Variants in ADAMTS17 observed in about 807,000 individuals in gnomAD.
The protein encoded by ADAMTS17 is ADAM metallopeptidase with thrombospondin type 1 motif 17, also known as A disintegrin and metalloproteinase with thrombospondin motifs 17.
Under a neutral mutation model 141.5 loss-of-function variants are expected in ADAMTS17, and 113 were observed. The ratio of observed to expected loss-of-function variants is 0.80; its 90% CI spans 0.69 to 0.93. The LOEUF is 0.93. Ranked by LOEUF, ADAMTS17 falls within the 40% of genes least tolerant of loss-of-function variation. The probability of loss-of-function intolerance (pLI) is 0.00; values close to 1 mark genes in which losing one functional copy is unlikely to be tolerated. For synonymous variants in ADAMTS17, 768 were observed against 630.6 expected, an observed-to-expected ratio of 1.22 and a Z score of -3.27; for missense variants, 1,659 against 1,517.9, an observed-to-expected ratio of 1.09 and a Z score of -1.54.
Position 100,159,197 on chromosome 15 carries a change from T to G in ADAMTS17, c.1182-3877A>C, listed in dbSNP as rs901926768. Reference sequence around the variant, plus strand: ...CGTTCAGTTACAGCATTATTCACAATAGCCAAGATATGAACCCAACCTAAA... The same window carrying G: ...CGTTCAGTTACAGCATTATTCACAAGAGCCAAGATATGAACCCAACCTAAA... On this transcript the variant is annotated intron_variant, in intron 8 of 21. Transcript: ENST00000268070. Among the ~76,000 whole-genome samples, 14 of 152,320 alleles carry G rather than the reference T, an allele frequency of 9.2e-5. 1 individual carries two copies. The highest frequency in any genetic ancestry group is 6.5e-4 in the Admixed American group (10 of 15,302).
intron 7 of ADAMTS17, among the ~76,000 whole-genome samples, chr15:100,211,471 G>T (rs933549123): frequency 2.6e-5 from 4 of 152,132 alleles, no homozygotes; most frequent in African/African-American, 7.2e-5. Context: ...GCCAGACACA[G>T]AAACAAACTC....
At chr15:100,031,833 A>C (rs1011950690) in intron 18 of ADAMTS17, among the ~76,000 whole-genome samples, 2 of 152,214 alleles carry the variant, frequency 1.3e-5, no homozygotes, top group Non-Finnish European at 2.9e-5. Flanking sequence ...CCATATTTGT[A>C]GAGTACTCAC....
intron 10 of ADAMTS17, among the ~76,000 whole-genome samples, chr15:100,151,458 G>A (rs888260360): frequency 7.9e-5 from 12 of 152,182 alleles, no homozygotes; most frequent in African/African-American, 2.9e-4. Flanking sequence ...CATTGGGACC[G>A]CATTCTGGAG....
chr15:100,262,782 TAA>T (rs201067774), intron 4 of ADAMTS17, among the ~76,000 whole-genome samples: 7 of 111,214 alleles, frequency 6.3e-5, no homozygotes, highest in Non-Finnish European at 7.4e-5. Flanking sequence ...CTTCCAGTAC[TAA>T]AAAAAAAAAA....
chr15:100,110,125 G>A (rs2036661898), intron 13 of ADAMTS17, among the ~76,000 whole-genome samples: 1 of 149,662 alleles, frequency 6.7e-6, no homozygotes, highest in African/African-American at 2.5e-5. Context: ...TCATTTTTTT[G>A]TCCCCACAGT....
intron 8 of ADAMTS17, among the ~76,000 whole-genome samples, chr15:100,161,076 T>C (rs1247149676): frequency 6.6e-6 from 1 of 152,234 alleles, no homozygotes; most frequent in Non-Finnish European, 1.5e-5. Context: ...CAGATGGGCC[T>C]TGTGTCTCAC....
chr15:100,087,456 G>C (rs917875340), intron 15 of ADAMTS17, among the ~76,000 whole-genome samples: 9 of 129,374 alleles, frequency 7.0e-5, no homozygotes, highest in African/African-American at 2.6e-4. Flanking sequence ...CCAATCAATA[G>C]AAAAAGAGGG....
At chr15:100,064,019 C>A (rs147416508) in intron 15 of ADAMTS17, among the ~76,000 whole-genome samples, 12 of 152,162 alleles carry the variant, frequency 7.9e-5, no homozygotes, top group South Asian at 2.1e-4. Context: ...CTGGGCCCCC[C>A]CTTCAACCAG....
At chr15:100,082,956 G>A (rs2034853068) in intron 15 of ADAMTS17, among the ~76,000 whole-genome samples, 1 of 152,112 alleles carries the variant, frequency 6.6e-6, no homozygotes, top group African/African-American at 2.4e-5. Flanking sequence ...AGAATGAAGA[G>A]GCGTTTCCTA....
chr15:100,328,816 C>A (rs1013748918), intron 3 of ADAMTS17, among the ~76,000 whole-genome samples: 1 of 152,142 alleles, frequency 6.6e-6, no homozygotes, highest in African/African-American at 2.4e-5. Flanking sequence ...TCTACAAGCA[C>A]GCTGAGTTCT....
rs71151931 is a variant in ADAMTS17, at chr15:100,001,994, CAAA to C, written c.2592-4408_2592-4406del. Among the ~76,000 whole-genome samples the C allele has an allele frequency of 8.6e-5, 5 of 58,372 alleles. 1 individual carries two copies. Among genetic ancestry groups the C allele is most frequent in the African/African-American group, 1.8e-4 (3 of 16,406 alleles). The allele number at this position is 58,372 out of a possible 152,430, so 38.3% of individuals were successfully genotyped here. ...TCAGTCTCAAAAAAAAGGCCAAACCCAAAAAAAAAAAAAAAAAAAAAAGAAAAA... is the reference window on the plus strand; with the variant it reads ...TCAGTCTCAAAAAAAAGGCCAAACCCAAAAAAAAAAAAAAAAAAAGAAAAA... On this transcript the variant is annotated intron_variant, in intron 18 of 21. Coordinates refer to ENST00000268070, the MANE Select transcript of ADAMTS17 (RefSeq NM_139057.4).
chr15:100,200,929 G>C (rs954285261), intron 7 of ADAMTS17, among the ~76,000 whole-genome samples: 1 of 152,162 alleles, frequency 6.6e-6, no homozygotes, highest in African/African-American at 2.4e-5. Flanking sequence ...TCCCTCTGTC[G>C]AGCTGCACAT....
At chr15:100,164,853 G>T (rs541627019) in intron 8 of ADAMTS17, among the ~76,000 whole-genome samples, 7 of 152,192 alleles carry the variant, frequency 4.6e-5, no homozygotes, top group Non-Finnish European at 1.0e-4. Context: ...ACTGTTCTTG[G>T]TAAGTGGCTA....
At chr15:100,264,583 A>G (rs1413343417) in intron 4 of ADAMTS17, among the ~76,000 whole-genome samples, 2 of 152,242 alleles carry the variant, frequency 1.3e-5, no homozygotes, top group East Asian at 3.8e-4. Flanking sequence ...GATATGCCAC[A>G]AAAGGAAAGA....
At chr15:100,264,399 G>A (rs905539157) in intron 4 of ADAMTS17, among the ~76,000 whole-genome samples, 1 of 152,156 alleles carries the variant, frequency 6.6e-6, no homozygotes, top group African/African-American at 2.4e-5. Flanking sequence ...AAATTAGGAA[G>A]AATGAAAACT....
chr15:100,017,108 C>A (rs1045023164), intron 18 of ADAMTS17, among the ~76,000 whole-genome samples: 1 of 152,102 alleles, frequency 6.6e-6, no homozygotes, highest in African/African-American at 2.4e-5. Context: ...AGGGTTATGG[C>A]TGCCTCTGCT....
At chr15:100,145,953 A>G (rs1175120901) in intron 10 of ADAMTS17, among the ~76,000 whole-genome samples, 2 of 152,214 alleles carry the variant, frequency 1.3e-5, no homozygotes, top group East Asian at 1.9e-4. Flanking sequence ...CAGGGGGATC[A>G]CTTGAGGTCA....
In ADAMTS17 at chr15:99,974,302, G is replaced by A. The variant is rs2060272780; in HGVS notation, c.*100C>T. The A allele has an allele frequency of 6.0e-6, 9 of 1,504,718 alleles. No homozygotes were observed. Among genetic ancestry groups the A allele is most frequent in the Admixed American group, 1.7e-5 (1 of 59,692 alleles). 93.2% of individuals were successfully genotyped at this position (1,504,718 alleles called of 1,614,324 possible). A position where few individuals can be genotyped will look rare whatever the true frequency, so the allele number is the denominator to read the frequency against. ...TCATGTTCTATGTAGTTGGATTCTT[G>A]TGGCAGCCGGGTGGGGGCGTGGCCA... On this transcript the variant is annotated 3_prime_UTR_variant, in exon 22 of 22. Coordinates refer to ENST00000268070, the MANE Select transcript of ADAMTS17 (RefSeq NM_139057.4).
chr15:100,045,261 A>T lies in ADAMTS17; in HGVS notation c.2591+3596T>A. Among the ~76,000 whole-genome samples, 3 of 152,316 alleles carry T rather than the reference A, an allele frequency of 2.0e-5. No homozygotes were observed. The Middle Eastern group carries it at 0.01, about 518-fold the overall frequency. On this transcript the variant is annotated intron_variant, in intron 18 of 21. Coordinates refer to ENST00000268070, the MANE Select transcript of ADAMTS17 (RefSeq NM_139057.4). Reference sequence around the variant, plus strand: ...AAAAATTAAGATATTTTATAATCTTAAATATTTTATAAAATAATTGAGACT... The same window carrying T: ...AAAAATTAAGATATTTTATAATCTTTAATATTTTATAAAATAATTGAGACT...
Sources: gnomAD v4.1 joint callset for allele counts (sites outside exome capture counted in the v4.1 genomes callset) on GRCh38, gnomAD v4.1.1 for gene constraint, MANE v1.5 for transcripts, NCBI Gene and HGNC (gene_info 2026-07-23, HGNC 2026-07-21) for gene names.